The following BRD10 variants were observed in gnomAD, a reference collection of about 807,000 sequenced individuals.
BRD10 encodes bromodomain containing 10, also known as uncharacterized bromodomain-containing protein 10.
chr9:5,949,082 AG>A, the BRD10 span, among the ~76,000 whole-genome samples: 7 of 152,236 alleles, frequency 4.6e-5, no homozygotes, highest in Non-Finnish European at 7.4e-5. Context: ...ATTAATTTTA[AG>A]GGGGAAGAAC....
the BRD10 span, chr9:5,919,004 G>C: frequency 6.6e-6 from 1 of 152,542 alleles, no homozygotes; most frequent in South Asian, 2.1e-4. Context: ...CGTTAAAAAT[G>C]GTATTCAAAC....
the BRD10 span, among the ~76,000 whole-genome samples, chr9:5,918,467 G>A: frequency 6.6e-6 from 1 of 152,152 alleles, no homozygotes; most frequent in Non-Finnish European, 1.5e-5. Context: ...TGTAATACCA[G>A]CACTTTGGGA....
At chr9:5,920,021 A>G in the BRD10 span, 7 of 1,613,876 alleles carry the variant, frequency 4.3e-6, no homozygotes, top group Non-Finnish European at 5.1e-6. Context: ...TGGAACAGGA[A>G]CCTTAGCAGT....
chr9:5,939,579 C>A, the BRD10 span, among the ~76,000 whole-genome samples: 2 of 152,146 alleles, frequency 1.3e-5, no homozygotes, highest in Admixed American at 6.6e-5. Flanking sequence ...TAATAGAATT[C>A]TCTCTATGAT....
At chr9:5,993,918 CAG>C in the BRD10 span, among the ~76,000 whole-genome samples, 1 of 152,108 alleles carries the variant, frequency 6.6e-6, no homozygotes, top group Admixed American at 6.5e-5. Flanking sequence ...TTAGGAAAGA[CAG>C]AAAATTTTAC....
chr9:5,908,835 G>A, the BRD10 span: 8 of 849,450 alleles, frequency 9.4e-6, no homozygotes, highest in Non-Finnish European at 1.5e-5. Context: ...CTAATAATAA[G>A]TCAGTGTTAA....
At chr9:5,936,183 C>G in the BRD10 span, among the ~76,000 whole-genome samples, 1 of 152,130 alleles carries the variant, frequency 6.6e-6, no homozygotes, top group South Asian at 2.1e-4. Context: ...TGGCAAAACC[C>G]TGTCTCTACA....
chr9:5,984,559 T>A, the BRD10 span, among the ~76,000 whole-genome samples: 7 of 151,956 alleles, frequency 4.6e-5, no homozygotes, highest in Non-Finnish European at 7.4e-5. Flanking sequence ...AGTCAATACA[T>A]CAGAAAACAT....
the BRD10 span, among the ~76,000 whole-genome samples, chr9:5,959,699 C>A: frequency 6.6e-6 from 1 of 152,178 alleles, no homozygotes; most frequent in African/African-American, 2.4e-5. Context: ...ATAACCTTTT[C>A]ACAGATACGG....
chr9:5,968,323 AGTATTT>A, the BRD10 span: 5 of 1,610,110 alleles, frequency 3.1e-6, no homozygotes, highest in Non-Finnish European at 4.2e-6. Flanking sequence ...AAGATTTTAG[AGTATTT>A]TCTTTTAATG....
At chr9:5,921,524 T>C in the BRD10 span, 1 of 1,613,902 alleles carries the variant, frequency 6.2e-7, no homozygotes, top group Admixed American at 1.7e-5. Flanking sequence ...AGGTGTCATA[T>C]TAATTGCAGT....
chr9:6,005,508 AAAATAAAT>A, the BRD10 span, among the ~76,000 whole-genome samples: 21 of 152,228 alleles, frequency 1.4e-4, no homozygotes, highest in Non-Finnish European at 2.4e-4. Context: ...CAGAGAAAAT[AAAATAAAT>A]AAATAAATGT....
chr9:5,953,125 A>G, the BRD10 span, among the ~76,000 whole-genome samples: 1 of 152,178 alleles, frequency 6.6e-6, no homozygotes, highest in African/African-American at 2.4e-5. Flanking sequence ...ATTTTTAGAT[A>G]TATCTAACTA....
At chr9:5,887,043 G>C in the BRD10 span, among the ~76,000 whole-genome samples, 140 of 152,288 alleles carry the variant, frequency 9.2e-4, no homozygotes, top group African/African-American at 3.3e-3. Flanking sequence ...CGGACCACTA[G>C]AGGTCAGGAG....
the BRD10 span, chr9:5,919,817 G>T: frequency 6.2e-7 from 1 of 1,613,854 alleles, no homozygotes. Context: ...AGATGCTGGA[G>T]TATTTATGGT....
chr9:5,892,705 C>A, the BRD10 span, among the ~76,000 whole-genome samples: 1 of 152,174 alleles, frequency 6.6e-6, no homozygotes, highest in South Asian at 2.1e-4. Flanking sequence ...AGATTCTGTG[C>A]TTCTATAAGG....
the BRD10 span, among the ~76,000 whole-genome samples, chr9:5,978,408 AAAG>A: frequency 2.6e-5 from 4 of 151,904 alleles, no homozygotes; most frequent in African/African-American, 7.2e-5. Flanking sequence ...AAAAAAAAAA[AAAG>A]GAGTTTTAAG....
At chr9:5,990,293 C>G in the BRD10 span, among the ~76,000 whole-genome samples, 2 of 152,166 alleles carry the variant, frequency 1.3e-5, no homozygotes, top group African/African-American at 4.8e-5. Flanking sequence ...AATTAATTAG[C>G]TATATAATTT....
At chr9:5,961,317 A>G in the BRD10 span, among the ~76,000 whole-genome samples, 1 of 152,188 alleles carries the variant, frequency 6.6e-6, no homozygotes, top group Admixed American at 6.5e-5. Flanking sequence ...AGGCTTCCTT[A>G]AGCAAGTGAT....
Sources: gnomAD v4.1 joint callset for allele counts (sites outside exome capture counted in the v4.1 genomes callset) on GRCh38, gnomAD v4.1.1 for gene constraint, MANE v1.5 for transcripts, NCBI Gene and HGNC (gene_info 2026-07-23, HGNC 2026-07-21) for gene names.